ZNF780B: variants seen among roughly 807,000 people sequenced by gnomAD.
The protein encoded by ZNF780B is zinc finger protein 779.
ZNF780B carries 52 observed loss-of-function variants against 74.1 expected under a neutral mutation model. That is an observed-to-expected ratio of 0.70 (90% confidence interval 0.56 to 0.88). The LOEUF is 0.88. ZNF780B is among the 40% of genes least tolerant of loss of function. ZNF780B has a pLI of 0.00. For missense variants in ZNF780B, 953 were observed against 1,007.6 expected (o/e 0.95, Z 0.73); for synonymous variants, 315 against 324.3 (o/e 0.97, Z 0.31).
intron 1 of ZNF780B, among the ~76,000 whole-genome samples, chr19:40,054,082 G>A (rs1973362480): frequency 6.6e-6 from 1 of 152,180 alleles, no homozygotes; most frequent in Non-Finnish European, 1.5e-5. Context: ...GAACCCGGGA[G>A]GCAGAGGTTG....
Position 40,034,130 on chromosome 19 carries a change from G to A in ZNF780B, c.*227C>T. ...TTCTCATCAGTATGAATTTTAACAT[G>A]TTTAACAGGTTTGAACTATGACTAA... On this transcript the variant is annotated 3_prime_UTR_variant, in exon 5 of 5. Transcript: ENST00000434248. The A allele has an allele frequency of 1.6e-6, 1 of 606,476 alleles. No individual in the cohort carries two copies. The highest frequency in any genetic ancestry group is 2.6e-4 in the Middle Eastern group (1 of 3,780). The allele number at this position is 606,476 out of a possible 1,614,324, so 37.6% of individuals were successfully genotyped here.
chr19:40,045,442 C>T (rs563292197), intron 4 of ZNF780B, among the ~76,000 whole-genome samples: 2 of 152,198 alleles, frequency 1.3e-5, no homozygotes, highest in African/African-American at 2.4e-5. Flanking sequence ...ATAGAACTAC[C>T]ATATGATCCA....
In ZNF780B at chr19:40,034,738, T is replaced by G; in HGVS notation, c.2121A>C (p.Arg707Ser). 6.2e-7 allele frequency: 1 copy of G among 1,614,030 alleles called. No individual in the cohort carries two copies. Among genetic ancestry groups the G allele is most frequent in the Non-Finnish European group, 8.5e-7 (1 of 1,179,976 alleles). The change falls in exon 5 of 5, where the codon AGA becomes AGC. Residue 707 changes from arginine (R) to serine (S), a missense_variant. Physicochemically the swap from Arg to Ser is moderately radical, Grantham distance 110. Transcript: ENST00000434248. ...FVCKECRKTFRYHYQLTEHYR... is the reference protein window; with the variant it reads ...FVCKECRKTFSYHYQLTEHYR... ...AATGTTCAGTAAGCTGGTAATGATA[T>G]CTAAAGGTCTTCCTACACTCCTTAC...
chr19:40,051,568 C>T (rs183266580), intron 1 of ZNF780B, among the ~76,000 whole-genome samples: 13 of 152,000 alleles, frequency 8.6e-5, no homozygotes, highest in East Asian at 3.9e-4. Flanking sequence ...TTTCTACATC[C>T]GAATTCAAAA....
rs1180790380 is a variant in ZNF780B at position 40,039,153 on chromosome 19, A to G, written c.233-2527T>C. Among the ~76,000 whole-genome samples, 9 of 151,844 alleles carry G rather than the reference A, an allele frequency of 5.9e-5. No homozygotes were observed. In the South Asian group the frequency reaches 1.0e-3, roughly 18 times the overall value. On this transcript the variant is annotated intron_variant, in intron 4 of 4. Coordinates refer to ENST00000434248, the MANE Select transcript of ZNF780B (RefSeq NM_001005851.3). ...ATGGCTAGCCAGTTTTCCCAGCACC[A>G]TTTATTAAATAGGGAATCCTTTCCC...
At chr19:40,050,629 G>C (rs1414222893) in intron 1 of ZNF780B, among the ~76,000 whole-genome samples, 1 of 152,214 alleles carries the variant, frequency 6.6e-6, no homozygotes, top group African/African-American at 2.4e-5. Flanking sequence ...CATGAATGCC[G>C]AGCACAGGCA....
At chr19:40,050,588 C>T (rs1973178060) in intron 1 of ZNF780B, among the ~76,000 whole-genome samples, 1 of 152,240 alleles carries the variant, frequency 6.6e-6, no homozygotes, top group Admixed American at 6.5e-5. Flanking sequence ...ACCAAGCTCT[C>T]GCCTACATCC....
intron 2 of ZNF780B, chr19:40,049,054 T>C: frequency 2.5e-5 from 9 of 354,276 alleles, no homozygotes; most frequent in South Asian, 1.0e-4. Context: ...CGAGATGCAC[T>C]CCCTGGAAAA....
chr19:40,047,981 C>T (rs1973013288), intron 3 of ZNF780B, among the ~76,000 whole-genome samples: 1 of 152,146 alleles, frequency 6.6e-6, no homozygotes, highest in African/African-American at 2.4e-5. Flanking sequence ...ATTTACAGCT[C>T]ATTTTAAGAA....
At chr19:40,054,520 T>A (rs1198974634) in intron 1 of ZNF780B, among the ~76,000 whole-genome samples, 1 of 152,142 alleles carries the variant, frequency 6.6e-6, no homozygotes, top group Non-Finnish European at 1.5e-5. Context: ...ATTTTATCTG[T>A]CAATTTAAAA....
chr19:40,038,377 G>A (rs1263513980), intron 4 of ZNF780B, among the ~76,000 whole-genome samples: 3 of 152,010 alleles, frequency 2.0e-5, no homozygotes, highest in South Asian at 2.1e-4. Context: ...ATAAACATAC[G>A]TGTGCATGTG....
Position 40,036,611 on chromosome 19 carries a change from T to C in ZNF780B, c.248A>G (p.Tyr83Cys). The C allele has an allele frequency of 6.5e-7, 1 of 1,536,742 alleles. No individual in the cohort carries two copies. The highest frequency in any genetic ancestry group is 8.7e-7 in the Non-Finnish European group (1 of 1,144,928). ...TTCTGGAGATATTTTCTCAGGTCCA[T>C]ATTTTGACTCCAAATCTGAAAGAAA... ...SRWYPDLESK[Y>C]GPEKISPEND... is the part of the protein sequence containing the mutation. Residue 83 changes from tyrosine to cysteine, a missense_variant, in exon 5 of 5, where the codon TAT becomes TGT. Transcript: ENST00000434248.
At position 40,035,966 on chromosome 19, in the gene ZNF780B, A is replaced by T; in HGVS notation, c.893T>A (p.Ile298Asn). 1 of 1,613,818 alleles carries T rather than the reference A, an allele frequency of 6.2e-7. No individual in the cohort carries two copies. Among genetic ancestry groups the T allele is most frequent in the Non-Finnish European group, 8.5e-7 (1 of 1,179,934 alleles). ...RGSNLIQHQK[I>N]HSNEKPFVCR... ...TACAAAGGGTTTCTCATTGGAATGA[A>T]TTTTTTGATGCTGAATAAGATTTGA... The change falls in exon 5 of 5, where the codon ATT (isoleucine) becomes AAT (asparagine). Residue 298 changes from isoleucine (I) to asparagine (N), a missense_variant. Transcript: ENST00000434248.
rs2144704295 is a variant in ZNF780B at position 40,035,278 on chromosome 19, C to T, written c.1581G>A (p.Lys527=). Residue 527 remains lysine, a synonymous_variant, in exon 5 of 5, where the codon AAG becomes AAA. Transcript: ENST00000434248. ...VQHQSIHTGE[K]PYECKECGKA... ...TCCCACACTCCTTACATTCATAGGG[C>T]TTCTCACCAGTGTGAATACTCTGAT... 6.2e-7 allele frequency: 1 copy of T among 1,612,542 alleles called. No individual in the cohort carries two copies. The highest frequency in any genetic ancestry group is 1.7e-5 in the Admixed American group (1 of 59,886).
intron 1 of ZNF780B, chr19:40,055,311 G>A (rs1973444427): frequency 6.6e-6 from 1 of 152,086 alleles, no homozygotes; most frequent in South Asian, 2.1e-4. Context: ...GAGGGGGCAA[G>A]AATCAATTTG....
In ZNF780B at chr19:40,029,488, A is replaced by G. The variant is rs1971953393; in HGVS notation, c.*4869T>C. 6.5e-6 allele frequency: 1 copy of G among 154,974 alleles called. No homozygotes were observed. The highest frequency in any genetic ancestry group is 1.9e-4 in the East Asian group (1 of 5,190). The allele number at this position is 154,974 out of a possible 1,614,324, so 9.6% of individuals were successfully genotyped here. On this transcript the variant is annotated 3_prime_UTR_variant, in exon 5 of 5. Transcript: ENST00000434248. ...TACATAAAACATAATTCAATAAAAT[A>G]CCAAATGCAAACAAGAGCAGATCAT...
At position 40,034,745 on chromosome 19, in the gene ZNF780B, G is replaced by A. The variant is rs1972158287; in HGVS notation, c.2114C>T (p.Thr705Ile). Residue 705 changes from threonine to isoleucine, a missense_variant, in exon 5 of 5, where the codon ACC becomes ATC. Physicochemically the swap from Thr to Ile is moderately conservative, Grantham distance 89 (BLOSUM62 -1). Transcript: ENST00000434248. ...KPFVCKECRK[T>I]FRYHYQLTEH... Reference sequence around the variant, plus strand: ...AGTAAGCTGGTAATGATATCTAAAGGTCTTCCTACACTCCTTACATACAAA... The same window carrying A: ...AGTAAGCTGGTAATGATATCTAAAGATCTTCCTACACTCCTTACATACAAA... 1 of 1,613,770 alleles carries A rather than the reference G, an allele frequency of 6.2e-7. No individual in the cohort carries two copies. Among genetic ancestry groups the A allele is most frequent in the African/African-American group, 1.3e-5 (1 of 74,818 alleles).
intron 4 of ZNF780B, among the ~76,000 whole-genome samples, chr19:40,037,668 T>C (rs1352572085): frequency 1.3e-5 from 2 of 152,178 alleles, no homozygotes; most frequent in Non-Finnish European, 2.9e-5. Context: ...GGTTTATCTT[T>C]AGTCTTAGCA....
chr19:40,042,991 T>A (rs1412811615), intron 4 of ZNF780B, among the ~76,000 whole-genome samples: 1 of 152,144 alleles, frequency 6.6e-6, no homozygotes, highest in Non-Finnish European at 1.5e-5. Flanking sequence ...CTTTTTAGAG[T>A]TTCCAGTTTT....
Sources: gnomAD v4.1 joint callset for allele counts (sites outside exome capture counted in the v4.1 genomes callset) on GRCh38, gnomAD v4.1.1 for gene constraint, MANE v1.5 for transcripts, NCBI Gene and HGNC (gene_info 2026-07-23, HGNC 2026-07-21) for gene names.